MYO3A: variants seen among roughly 807,000 people sequenced by gnomAD.
The protein encoded by MYO3A is myosin IIIA.
A neutral mutation model predicts 192.7 loss-of-function variants in MYO3A; 180 were observed. That is an observed-to-expected ratio of 0.93 (90% CI 0.83 to 1.06). The LOEUF (loss-of-function observed/expected upper bound fraction) is 1.06, where lower values mean the gene tolerates loss of function less well. MYO3A is among the 50% of genes least tolerant of loss of function. MYO3A has a pLI of 0.00. For synonymous variants in MYO3A, 628 were observed against 645.3 expected, an observed-to-expected ratio of 0.97 and a Z score of 0.41; for missense variants, 1,896 against 1,905.0, an observed-to-expected ratio of 1.00 and a Z score of 0.09.
rs751696634 is a variant in MYO3A, at chr10:26,193,187, T to C, written c.4439-18T>C. ...GTATTTGTAATTAAATACTTGTTTATGATCACCTTTCTTATAGGTGTCTGT... is the reference window on the plus strand; with the variant it reads ...GTATTTGTAATTAAATACTTGTTTACGATCACCTTTCTTATAGGTGTCTGT... On this transcript the variant is annotated intron_variant, in intron 31 of 34. Coordinates refer to ENST00000642920, the MANE Select transcript of MYO3A (RefSeq NM_017433.5). 3.9e-6 allele frequency: 6 copies of C among 1,552,576 alleles called. No homozygotes were observed. The Admixed American group carries it at 5.0e-5, about 13-fold the overall frequency.
intron 20 of MYO3A, among the ~76,000 whole-genome samples, chr10:26,129,347 A>C (rs1302302775): frequency 1.3e-5 from 2 of 152,208 alleles, no homozygotes; most frequent in East Asian, 3.9e-4. Context: ...TTAAGACCTT[A>C]TCTAGTTGTT....
At chr10:26,085,885 G>A (rs1836274361) in intron 14 of MYO3A, among the ~76,000 whole-genome samples, 1 of 152,230 alleles carries the variant, frequency 6.6e-6, no homozygotes, top group African/African-American at 2.4e-5. Flanking sequence ...GGGGCATGAG[G>A]TGGTAAAGGT....
At chr10:26,120,195 T>TGTAATGTAATGTGTCGTTTA (rs1355167573) in intron 17 of MYO3A, among the ~76,000 whole-genome samples, 1 of 152,044 alleles carries the variant, frequency 6.6e-6, no homozygotes, top group Non-Finnish European at 1.5e-5. Flanking sequence ...CGCTTACATT[T>TGTAATGTAATGTGTCGTTTA]AAACGACACA....
chr10:26,157,288 T>G, intron 25 of MYO3A, 22 bp from the exon 26 acceptor site: 1 of 1,609,762 alleles, frequency 6.2e-7, no homozygotes, highest in Non-Finnish European at 8.5e-7. Context: ...ATTGGGAAAT[T>G]TATTTTTGTT....
rs995751001 is a variant in MYO3A at position 26,026,666 on chromosome 10, G to A, written c.953+134G>A. 2.0e-5 allele frequency: 20 copies of A among 995,524 alleles called. No individual in the cohort carries two copies. In the African/African-American group the frequency reaches 2.4e-4, roughly 12 times the overall value. The allele number at this position is 995,524 out of a possible 1,614,324, so 61.7% of individuals were successfully genotyped here. A position where few individuals can be genotyped will look rare whatever the true frequency, so the allele number is the denominator to read the frequency against. On this transcript the variant is annotated intron_variant, in intron 10 of 34. Coordinates refer to ENST00000642920, the MANE Select transcript of MYO3A (RefSeq NM_017433.5). ...CTTACATGAAAAGTGAATGTCACCT[G>A]TTGAAATGCCTCTCAATATTGGTAA...
chr10:26,111,513 G>C (rs1838177185), intron 17 of MYO3A, among the ~76,000 whole-genome samples: 1 of 152,060 alleles, frequency 6.6e-6, no homozygotes. Context: ...CCAACATTCA[G>C]TTTCAAATCT....
At chr10:26,127,209 C>T (rs1034887268) in intron 19 of MYO3A, among the ~76,000 whole-genome samples, 1 of 152,076 alleles carries the variant, frequency 6.6e-6, no homozygotes, top group African/African-American at 2.4e-5. Flanking sequence ...ATATTGCACG[C>T]TTATGATTCC....
At chr10:26,113,012 G>A (rs772156161) in intron 17 of MYO3A, among the ~76,000 whole-genome samples, 12 of 151,894 alleles carry the variant, frequency 7.9e-5, no homozygotes, top group African/African-American at 2.4e-4. Flanking sequence ...TTTTAATTGC[G>A]CTTTCATTTC....
At chr10:26,202,865 A>G (rs1362961695) in intron 33 of MYO3A, 99 bp from the exon 34 acceptor site, 1 of 1,323,076 alleles carries the variant, frequency 7.6e-7, no homozygotes, top group African/African-American at 1.5e-5. Flanking sequence ...GTTACTCTAA[A>G]TTATAGTAAA....
chr10:26,179,907 C>T (rs1032466032), intron 31 of MYO3A, among the ~76,000 whole-genome samples: 1 of 152,198 alleles, frequency 6.6e-6, no homozygotes, highest in African/African-American at 2.4e-5. Flanking sequence ...GACCTCGGCT[C>T]ACTGCCACCT....
intron 4 of MYO3A, among the ~76,000 whole-genome samples, chr10:25,955,906 A>G (rs748717872): frequency 6.6e-6 from 1 of 152,078 alleles, no homozygotes; most frequent in Non-Finnish European, 1.5e-5. Flanking sequence ...CTGCTATAAC[A>G]AAAATCCACA....
At chr10:26,101,176 T>G (rs1308350920) in intron 17 of MYO3A, among the ~76,000 whole-genome samples, 1 of 152,210 alleles carries the variant, frequency 6.6e-6, no homozygotes, top group Non-Finnish European at 1.5e-5. Context: ...CTTTTGATCT[T>G]TGTTAGTTTA....
At chr10:26,007,728 A>C (rs561780497) in intron 6 of MYO3A, among the ~76,000 whole-genome samples, 1 of 150,832 alleles carries the variant, frequency 6.6e-6, no homozygotes, top group Non-Finnish European at 1.5e-5. Flanking sequence ...CAAGGAAATA[A>C]AAGAGGATAC....
intron 2 of MYO3A, among the ~76,000 whole-genome samples, chr10:25,943,785 T>TGTGTGA (rs1424204816): frequency 1.3e-4 from 19 of 151,588 alleles, no homozygotes; most frequent in African/African-American, 3.4e-4. Flanking sequence ...TGTGTGTGTG[T>TGTGTGA]GTGTGTGTGT....
Position 26,002,604 on chromosome 10 carries a change from G to C in MYO3A, c.508+5346G>C, listed in dbSNP as rs140439373. Among the ~76,000 whole-genome samples the C allele has an allele frequency of 2.7e-5, 4 of 149,160 alleles. No homozygotes were observed. In the South Asian group the frequency reaches 6.2e-4, roughly 23 times the overall value. On this transcript the variant is annotated intron_variant, in intron 6 of 34. Coordinates refer to ENST00000642920, the MANE Select transcript of MYO3A (RefSeq NM_017433.5). ...ATAAGTCAGGGTGGACCAGGTAATCGGAATGAGTCAGGGTGGACCAGGTAA... is the reference window on the plus strand; with the variant it reads ...ATAAGTCAGGGTGGACCAGGTAATCCGAATGAGTCAGGGTGGACCAGGTAA...
rs151093097 is a variant in MYO3A, at chr10:26,097,678, T to C, written c.1776+996T>C. Among the ~76,000 whole-genome samples the C allele has an allele frequency of 5.5e-3, 844 of 152,284 alleles. 40 individuals are homozygous for C. The highest frequency in any genetic ancestry group is 0.052 in the Admixed American group (802 of 15,296). On this transcript the variant is annotated intron_variant, in intron 17 of 34. Coordinates refer to ENST00000642920, the MANE Select transcript of MYO3A (RefSeq NM_017433.5). ...TGTGATAGTTTGCTGAGAATGATGG[T>C]TTCCAGCTTCATCCTTGTCCCTACA...
chr10:26,140,316 G>T (rs1840074470), intron 20 of MYO3A, among the ~76,000 whole-genome samples: 1 of 152,162 alleles, frequency 6.6e-6, no homozygotes, highest in Non-Finnish European at 1.5e-5. Flanking sequence ...ATTTAAGCTG[G>T]TTGTTTAGGC....
chr10:26,173,578 C>A, intron 29 of MYO3A, 85 bp from the exon 30 acceptor site: 3 of 1,256,024 alleles, frequency 2.4e-6, no homozygotes, highest in Non-Finnish European at 2.2e-6. Flanking sequence ...TTTCTCCCAC[C>A]GGTATCTAGC....
At chr10:26,077,370 A>G (rs1835659739) in intron 14 of MYO3A, among the ~76,000 whole-genome samples, 1 of 149,766 alleles carries the variant, frequency 6.7e-6, no homozygotes. Context: ...AACTTTGCTG[A>G]ATTCTTTTAT....
Sources: allele counts gnomAD v4.1 joint callset (sites outside exome capture counted in the v4.1 genomes callset), GRCh38; gene constraint gnomAD v4.1.1; transcripts MANE v1.5; gene names NCBI Gene and HGNC (gene_info 2026-07-23, HGNC 2026-07-21).